ADRA1A: variants seen among roughly 807,000 people sequenced by gnomAD.
ADRA1A encodes the protein alpha-1A adrenergic receptor.
Under a neutral mutation model 29.6 loss-of-function variants are expected in ADRA1A, and 31 were observed. The ratio of observed to expected loss-of-function variants is 1.05; its 90% confidence interval spans 0.79 to 1.41. The LOEUF (loss-of-function observed/expected upper bound fraction) is 1.41. Among genes scored for constraint, ADRA1A ranks in the 40% most tolerant of loss-of-function variants. The probability of loss-of-function intolerance (pLI) is 0.00; values close to 1 mark genes in which losing one functional copy is unlikely to be tolerated. For missense variants in ADRA1A, 619 were observed against 601.1 expected (o/e 1.03, Z -0.31); for synonymous variants, 311 against 254.3 (o/e 1.22, Z -2.12).
intron 2 of ADRA1A, among the ~76,000 whole-genome samples, chr8:26,776,715 T>A (rs2130323143): frequency 6.6e-6 from 1 of 152,282 alleles, no homozygotes; most frequent in South Asian, 2.1e-4. Flanking sequence ...GGGAGTAGTA[T>A]CCTCAATAAT....
downstream of ADRA1A, among the ~76,000 whole-genome samples, chr8:26,760,872 C>T (rs188709527): frequency 2.0e-3 from 301 of 152,338 alleles, 1 homozygote; most frequent in African/African-American, 6.6e-3. Context: ...CTTACTGTCC[C>T]TTAGAATCCT....
rs917421561 is a variant in ADRA1A, at chr8:26,821,930, T to G, written c.883+42157A>C. On this transcript the variant is annotated intron_variant, in intron 2 of 2. Transcript: ENST00000380573. This position sits in a 1 kb window ranked among gnomAD's most constrained non-coding sequence, Gnocchi z 5.6. ...ATCTAGAGAATGTTGCACATATCAA[T>G]AGCTTGCTATTTTTTATTGCTAAGT... is the stretch of plus-strand genomic sequence containing the variant. Among the ~76,000 whole-genome samples the G allele has an allele frequency of 2.0e-5, 3 of 152,244 alleles. No homozygotes were observed.
At chr8:26,827,924 C>T (rs539132403) in intron 2 of ADRA1A, among the ~76,000 whole-genome samples, 1 of 152,248 alleles carries the variant, frequency 6.6e-6, no homozygotes, top group South Asian at 2.1e-4. Flanking sequence ...GACAGGGTCT[C>T]ACTCTTTCAC....
chr8:26,814,412 C>CA (rs1377997007), intron 2 of ADRA1A, among the ~76,000 whole-genome samples: 2 of 152,054 alleles, frequency 1.3e-5, no homozygotes, highest in African/African-American at 4.8e-5. Context: ...AGGTGTGAGC[C>CA]ACCACACCTG....
At chr8:26,794,997 AT>A (rs1239382392) in intron 2 of ADRA1A, among the ~76,000 whole-genome samples, 2 of 152,236 alleles carry the variant, frequency 1.3e-5, no homozygotes, top group East Asian at 3.9e-4. Flanking sequence ...CAAACGTTGT[AT>A]TTTTTAAAAA....
chr8:26,839,833 T>C (rs1257803927), intron 2 of ADRA1A, among the ~76,000 whole-genome samples: 1 of 151,886 alleles, frequency 6.6e-6, no homozygotes, highest in Non-Finnish European at 1.5e-5. Flanking sequence ...AGGCACAAAC[T>C]ATGTGATTCC....
Position 26,768,974 on chromosome 8 carries a change from G to A in ADRA1A, c.*1175C>T, listed in dbSNP as rs181778861. 81 of 985,368 alleles carry A rather than the reference G, an allele frequency of 8.2e-5. No individual in the cohort carries two copies. The East Asian group carries it at 9.1e-4, about 11-fold the overall frequency. The allele number at this position is 985,368 out of a possible 1,614,324, so 61.0% of individuals were successfully genotyped here. ...TCAAAAAATGTTTGCAAACTCCTGC[G>A]TTAGACAGTTCTTTGGTGATCCATC... On this transcript the variant is annotated 3_prime_UTR_variant, in exon 3 of 3. Coordinates refer to ENST00000380573, the MANE Select transcript of ADRA1A (RefSeq NM_000680.4).
intron 2 of ADRA1A, among the ~76,000 whole-genome samples, chr8:26,774,806 G>A (rs950696800): frequency 4.6e-5 from 7 of 152,132 alleles, no homozygotes; most frequent in Non-Finnish European, 8.8e-5. Context: ...GCAGCTGCAT[G>A]GCCCCAAACC....
chr8:26,805,724 T>C lies in ADRA1A; in HGVS notation c.884-35058A>G, dbSNP rs1585727876. ...TATGAAAAGTATTACAAGGCTTTCT[T>C]TTTTGTGTTGCTTCTACCTGGTACA... On this transcript the variant is annotated intron_variant, in intron 2 of 2. Coordinates refer to ENST00000380573, the MANE Select transcript of ADRA1A (RefSeq NM_000680.4). The surrounding 1 kb of genome is among the most constrained non-coding windows in gnomAD (Gnocchi z 4.8). 6.6e-6 allele frequency among the ~76,000 whole-genome samples: 1 copy of C among 152,184 alleles called. No homozygotes were observed. Among genetic ancestry groups the C allele is most frequent in the South Asian group, 2.1e-4 (1 of 4,826 alleles).
In ADRA1A at chr8:26,841,597, C is replaced by A. The variant is rs1335062380; in HGVS notation, c.883+22490G>T. On this transcript the variant is annotated intron_variant, in intron 2 of 2. Transcript: ENST00000380573. The surrounding 1 kb of genome is among the most constrained non-coding windows in gnomAD (Gnocchi z 4.4). ...TTTGCTTTGTCCTCTCAGGTCCTGGCTCTGTTCCTCACCTCCACTTTTATT... is the reference window on the plus strand; with the variant it reads ...TTTGCTTTGTCCTCTCAGGTCCTGGATCTGTTCCTCACCTCCACTTTTATT... 2.0e-5 allele frequency among the ~76,000 whole-genome samples: 3 copies of A among 152,170 alleles called. No individual in the cohort carries two copies. The highest frequency in any genetic ancestry group is 6.5e-5 in the Admixed American group (1 of 15,278).
Position 26,769,615 on chromosome 8 carries a change from G to C in ADRA1A, c.*534C>G. On this transcript the variant is annotated 3_prime_UTR_variant, in exon 3 of 3. Coordinates refer to ENST00000380573, the MANE Select transcript of ADRA1A (RefSeq NM_000680.4). ...TCAAGCTGAGAAATTGGATGTATCAGAAAGGGTGGAGTTTCAGGACTTGCT... is the reference window on the plus strand; with the variant it reads ...TCAAGCTGAGAAATTGGATGTATCACAAAGGGTGGAGTTTCAGGACTTGCT... 1 of 985,570 alleles carries C rather than the reference G, an allele frequency of 1.0e-6. No homozygotes were observed. The highest frequency in any genetic ancestry group is 1.2e-6 in the Non-Finnish European group (1 of 830,064). 61.1% of individuals were successfully genotyped at this position (985,570 alleles called of 1,614,324 possible). A position where few individuals can be genotyped will look rare whatever the true frequency, so the allele number is the denominator to read the frequency against.
chr8:26,809,876 A>G (rs759283799), intron 2 of ADRA1A, among the ~76,000 whole-genome samples: 1 of 152,258 alleles, frequency 6.6e-6, no homozygotes, highest in African/African-American at 2.4e-5. Context: ...ATAGCTCGCT[A>G]TATAATTTTG....
intron 2 of ADRA1A, among the ~76,000 whole-genome samples, chr8:26,839,737 A>G (rs1585806871): frequency 2.0e-5 from 3 of 152,326 alleles, no homozygotes; most frequent in Middle Eastern, 6.8e-3. Flanking sequence ...GGAAGGAGGC[A>G]TATTTCTTCC....
In ADRA1A at chr8:26,846,241, A is replaced by G. The variant is rs148508097; in HGVS notation, c.883+17846T>C. 1.3e-3 allele frequency among the ~76,000 whole-genome samples: 198 copies of G among 152,358 alleles called. No homozygotes were observed. In the East Asian group the frequency reaches 0.015, roughly 11 times the overall value. On this transcript the variant is annotated intron_variant, in intron 2 of 2. Coordinates refer to ENST00000380573, the MANE Select transcript of ADRA1A (RefSeq NM_000680.4). ...CAACACAGTAAACAAAAGCTGAACA[A>G]TAATAATAATTGATGTCTGCTTTAA... is the stretch of plus-strand genomic sequence containing the variant.
intron 2 of ADRA1A, among the ~76,000 whole-genome samples, chr8:26,835,585 T>C (rs1183202797): frequency 6.6e-6 from 1 of 152,152 alleles, no homozygotes; most frequent in African/African-American, 2.4e-5. Flanking sequence ...GAGAACTTAC[T>C]ATCACGAGAA....
At chr8:26,795,738 T>C (rs1808147451) in intron 2 of ADRA1A, among the ~76,000 whole-genome samples, 1 of 152,172 alleles carries the variant, frequency 6.6e-6, no homozygotes, top group Non-Finnish European at 1.5e-5. Context: ...TACATCCTTC[T>C]AAGTCTAATA....
intron 2 of ADRA1A, among the ~76,000 whole-genome samples, chr8:26,835,593 G>T (rs1811289565): frequency 6.6e-6 from 1 of 152,196 alleles, no homozygotes; most frequent in South Asian, 2.1e-4. Context: ...ACTATCACGA[G>T]AATAGCATGG....
intron 2 of ADRA1A, among the ~76,000 whole-genome samples, chr8:26,784,989 A>G (rs1807269817): frequency 1.3e-5 from 2 of 152,214 alleles, no homozygotes; most frequent in African/African-American, 4.8e-5. Context: ...ACAGCATCCT[A>G]TTAAAATACT....
rs1810510695 is a variant in ADRA1A at position 26,825,740 on chromosome 8, T to C, written c.883+38347A>G. On this transcript the variant is annotated intron_variant, in intron 2 of 2. Transcript: ENST00000380573. The surrounding 1 kb of genome is among the most constrained non-coding windows in gnomAD (Gnocchi z 5.7). ...GCACGCTAATTTATACTCTCCCTCC[T>C]GATTTAACAATCCTTAAGGAACAGT... Among the ~76,000 whole-genome samples, 3 of 152,264 alleles carry C rather than the reference T, an allele frequency of 2.0e-5. No individual in the cohort carries two copies. Among genetic ancestry groups the C allele is most frequent in the Admixed American group, 1.3e-4 (2 of 15,286 alleles).
Sources: gnomAD v4.1 joint callset for allele counts (sites outside exome capture counted in the v4.1 genomes callset) on GRCh38, gnomAD v4.1.1 for gene constraint, Gnocchi (gnomAD v3.1) non-coding constraint, MANE v1.5 for transcripts, NCBI Gene and HGNC (gene_info 2026-07-23, HGNC 2026-07-21) for gene names.